The following AREL1 variants were observed in gnomAD, a reference collection of about 807,000 sequenced individuals.
AREL1 encodes apoptosis resistant E3 ubiquitin protein ligase 1, also known as apoptosis-resistant E3 ubiquitin protein ligase 1.
Under a neutral mutation model 99.0 loss-of-function variants are expected in AREL1, and 62 were observed. The observed-to-expected ratio is 0.63, with a 90% CI of 0.51 to 0.77. The LOEUF (loss-of-function observed/expected upper bound fraction) is 0.77. Ranked by LOEUF, AREL1 falls within the 30% of genes least tolerant of loss-of-function variation. The pLI, the probability that AREL1 is intolerant of heterozygous loss-of-function variation, is 0.00. For synonymous variants in AREL1, 380 were observed against 376.5 expected (o/e 1.01, Z -0.11); for missense variants, 879 against 1,027.6 (o/e 0.86, Z 1.98).
In AREL1 at chr14:74,672,868, A is replaced by C. The variant is rs763931110; in HGVS notation, c.1385T>G (p.Val462Gly). The change falls in exon 11 of 20, where the codon GTC becomes GGC. Residue 462 changes from valine to glycine, a missense_variant. Coordinates refer to ENST00000356357, the MANE Select transcript of AREL1 (RefSeq NM_001039479.2). ...GGCATGTCTGCTGACCTTCAGGGTGACTTTGGAATGTGGTCTTTTCATATG... is the reference window on the plus strand; with the variant it reads ...GGCATGTCTGCTGACCTTCAGGGTGCCTTTGGAATGTGGTCTTTTCATATG... ...QVHMKRPHSKVTLKVSRHALL... is the reference protein window; with the variant it reads ...QVHMKRPHSKGTLKVSRHALL... The C allele has an allele frequency of 6.2e-7, 1 of 1,614,198 alleles. No individual in the cohort carries two copies. The highest frequency in any genetic ancestry group is 8.5e-7 in the Non-Finnish European group (1 of 1,180,022).
Position 74,663,204 on chromosome 14 carries a change from T to G in AREL1, c.*516A>C. 1 of 193,778 alleles carries G rather than the reference T, an allele frequency of 5.2e-6. No homozygotes were observed. Among genetic ancestry groups the G allele is most frequent in the Admixed American group, 5.2e-5 (1 of 19,054 alleles). The allele number at this position is 193,778 out of a possible 1,614,324, so 12.0% of individuals were successfully genotyped here. ...TACCATTGTGCAGCGGGACTGCTCC[T>G]ATGGGCCACCTCCTATCTGTCCCCC... is the stretch of plus-strand genomic sequence containing the variant. On this transcript the variant is annotated 3_prime_UTR_variant, in exon 20 of 20. Transcript: ENST00000356357.
At position 74,669,757 on chromosome 14, in the gene AREL1, G is replaced by A. The variant is rs1389600459; in HGVS notation, c.1806C>T (p.Asp602=). The change falls in exon 15 of 20, where the codon GAC becomes GAT. Residue 602 remains aspartate, a synonymous_variant. Transcript: ENST00000356357. The part of the protein sequence containing the change: ...RMHYKYFETD[D]PEFYKSKVCF... ...AAACTTTAGATTTGTAGAATTCTGG[G>A]TCATCTGTTTCAAAGTACTGAGGAG... The A allele has an allele frequency of 1.2e-6, 2 of 1,614,150 alleles. No homozygotes were observed. Among genetic ancestry groups the A allele is most frequent in the Admixed American group, 3.3e-5 (2 of 60,016 alleles).
Position 74,670,010 on chromosome 14 carries a change from C to A in AREL1, c.1725G>T (p.Leu575Phe). 1 of 1,614,048 alleles carries A rather than the reference C, an allele frequency of 6.2e-7. No individual in the cohort carries two copies. Among genetic ancestry groups the A allele is most frequent in the Non-Finnish European group, 8.5e-7 (1 of 1,179,930 alleles). Residue 575 changes from leucine (L) to phenylalanine (F), a missense_variant, in exon 14 of 20, where the codon TTG (leucine) becomes TTT (phenylalanine). Leu to Phe is a conservative substitution (Grantham distance 22). Transcript: ENST00000356357. Reference protein sequence around the residue: ...ESSLGGAYKQLVRARFTRSFL... With the variant: ...ESSLGGAYKQFVRARFTRSFL... The stretch of plus-strand genomic sequence containing the variant: ...AAGAGCGGGTGAAGCGAGCTCGGAC[C>A]AACTGCTTGTAGGCTCCTCCTAGAG...
chr14:74,682,755 T>C (rs889116982), intron 5 of AREL1, among the ~76,000 whole-genome samples: 1 of 152,178 alleles, frequency 6.6e-6, no homozygotes, highest in African/African-American at 2.4e-5. Context: ...GCAAGATCTG[T>C]TTGTTTAGAA....
chr14:74,681,297 T>C (rs570083063), intron 5 of AREL1, among the ~76,000 whole-genome samples: 1 of 152,008 alleles, frequency 6.6e-6, no homozygotes, highest in Non-Finnish European at 1.5e-5. Context: ...TACTCAGCAG[T>C]AAAAAGGAAC....
Position 74,676,193 on chromosome 14 carries a change from T to C in AREL1, c.780A>G (p.Ser260=), listed in dbSNP as rs1718469796. 1 of 1,614,114 alleles carries C rather than the reference T, an allele frequency of 6.2e-7. No individual in the cohort carries two copies. The highest frequency in any genetic ancestry group is 8.5e-7 in the Non-Finnish European group (1 of 1,180,044). The change falls in exon 7 of 20, where the codon TCA becomes TCG. Residue 260 remains serine, a synonymous_variant. Transcript: ENST00000356357. ...HSRGCFHACI[S]YQNQPINNGE... ...CATTATTGATTGGCTGATTTTGGTA[T>C]GAAATGCAAGCATGGAAGCAGCCTC...
chr14:74,684,508 G>T lies in AREL1; in HGVS notation c.189C>A (p.Ser63=). 6.2e-7 allele frequency: 1 copy of T among 1,614,138 alleles called. No individual in the cohort carries two copies. Among genetic ancestry groups the T allele is most frequent in the Non-Finnish European group, 8.5e-7 (1 of 1,180,022 alleles). The change falls in exon 4 of 20, where the codon TCC becomes TCA. Residue 63 remains serine (S), a synonymous_variant. Transcript: ENST00000356357. ...CCTCATAGGGGTCCTTCCAATCCCA[G>T]GAGACTTTGCAAGACCGGGGATCCA... ...NYLDPRSCKV[S]WDWKDPYEVG...
chr14:74,687,414 T>C lies in AREL1; in HGVS notation c.-45-1754A>G, dbSNP rs574196426. Among the ~76,000 whole-genome samples the C allele has an allele frequency of 2.0e-5, 3 of 152,332 alleles. No homozygotes were observed. In the South Asian group the frequency reaches 6.2e-4, roughly 32 times the overall value. On this transcript the variant is annotated intron_variant, in intron 2 of 19. Coordinates refer to ENST00000356357, the MANE Select transcript of AREL1 (RefSeq NM_001039479.2). ...GACCTATCTAGGCTTCAGAATCTCA[T>C]TGCTGTAAAAAGAGTTGCAATTTAA...
At position 74,662,661 on chromosome 14, in the gene AREL1, G is replaced by C; in HGVS notation, c.*1059C>G. ...CATATCACCTCCATGTTCATCCCTA[G>C]TGTCCTGACGCCAAGGACCTGTGAT... is the stretch of plus-strand genomic sequence containing the variant. On this transcript the variant is annotated 3_prime_UTR_variant, in exon 20 of 20. Transcript: ENST00000356357. 2.5e-6 allele frequency: 1 copy of C among 398,514 alleles called. No homozygotes were observed. Among genetic ancestry groups the C allele is most frequent in the Non-Finnish European group, 4.4e-6 (1 of 226,050 alleles). The allele number at this position is 398,514 out of a possible 1,614,324, so 24.7% of individuals were successfully genotyped here. A position where few individuals can be genotyped will look rare whatever the true frequency, so the allele number is the denominator to read the frequency against.
intron 2 of AREL1, among the ~76,000 whole-genome samples, chr14:74,686,068 T>G (rs138782412): frequency 6.6e-6 from 1 of 152,322 alleles, no homozygotes; most frequent in East Asian, 1.9e-4. Context: ...TGGGAGTAAT[T>G]CAGCTAAGTA....
chr14:74,664,058 C>T lies in AREL1; in HGVS notation c.2210G>A (p.Trp737Ter), dbSNP rs1368878618. The T allele has an allele frequency of 1.9e-6, 3 of 1,613,658 alleles. No individual in the cohort carries two copies. The highest frequency in any genetic ancestry group is 2.5e-6 in the Non-Finnish European group (3 of 1,179,780). ...HFREKVMRWFWTVVSSLTQEE... is the reference protein window; with the variant it reads ...HFREKVMRWF ...CTGGGTCAGACTGGAAACCACAGTC[C>T]AAAACCACCTCATGACCTGGCAGGG... Residue 737 changes from tryptophan to a stop codon, truncating the protein, a stop_gained, in exon 19 of 20, where the codon TGG becomes TAG. Transcript: ENST00000356357. LOFTEE classifies it high-confidence loss of function.
Position 74,664,833 on chromosome 14 carries a change from T to C in AREL1, c.2193+3A>G, listed in dbSNP as rs969346745. ...CCAACTGAAAGAAGTTTGGTCCATT[T>C]ACCTTTTCTCTGAAATGCCATGAGC... On this transcript the variant is annotated splice_donor_region_variant and intron_variant, in intron 18 of 19. Transcript: ENST00000356357. The C allele has an allele frequency of 3.7e-6, 6 of 1,612,684 alleles. No homozygotes were observed. The African/African-American group carries it at 8.0e-5, about 22-fold the overall frequency.
In AREL1 at chr14:74,713,044, T is replaced by A; in HGVS notation, c.-445A>T. On this transcript the variant is annotated 5_prime_UTR_variant, in exon 1 of 20. Coordinates refer to ENST00000356357, the MANE Select transcript of AREL1 (RefSeq NM_001039479.2). ...CTCTCCCACCAACAGACCCCAGAGT[T>A]GGTCTCCACCCGGCCTGGGAACCGG... 7.7e-7 allele frequency: 1 copy of A among 1,305,874 alleles called. No homozygotes were observed. The highest frequency in any genetic ancestry group is 1.1e-6 in the Non-Finnish European group (1 of 903,276). The allele number at this position is 1,305,874 out of a possible 1,614,324, so 80.9% of individuals were successfully genotyped here. A position where few individuals can be genotyped will look rare whatever the true frequency, so the allele number is the denominator to read the frequency against.
chr14:74,678,151 AAAG>A (rs776285751), intron 5 of AREL1: 3 of 449,942 alleles, frequency 6.7e-6, no homozygotes, highest in South Asian at 3.2e-5. Flanking sequence ...CAATTTTGAA[AAAG>A]AAGAATAAAG....
Position 74,667,364 on chromosome 14 carries a change from C to T in AREL1, c.2058G>A (p.Leu686=). The T allele has an allele frequency of 1.2e-6, 2 of 1,614,062 alleles. No homozygotes were observed. Among genetic ancestry groups the T allele is most frequent in the East Asian group, 2.2e-5 (1 of 44,884 alleles). The part of the protein sequence containing the change: ...VEHFLKGLNE[L]VPENLLAIFD... Reference sequence around the variant, plus strand: ...AAATAGCCAAAAGGTTCTCAGGGACCAATTCATTCAGGCCTGAAACAAAGT... The same window carrying T: ...AAATAGCCAAAAGGTTCTCAGGGACTAATTCATTCAGGCCTGAAACAAAGT... The change falls in exon 17 of 20, where the codon TTG becomes TTA. Residue 686 remains leucine (L), a synonymous_variant. Coordinates refer to ENST00000356357, the MANE Select transcript of AREL1 (RefSeq NM_001039479.2).
chr14:74,670,381 C>T (rs2089307484), intron 13 of AREL1, among the ~76,000 whole-genome samples: 4 of 152,120 alleles, frequency 2.6e-5, no homozygotes, highest in Admixed American at 2.6e-4. Flanking sequence ...ATGCCTTTTC[C>T]CTAAACCAGA....
intron 1 of AREL1, 78 bp downstream of exon 1, chr14:74,712,855 C>G: frequency 4.2e-6 from 2 of 476,736 alleles, no homozygotes; most frequent in Non-Finnish European, 3.9e-6. Context: ...CCCCCCTACC[C>G]TTTTCCTCCC....
chr14:74,668,943 T>C (rs2089268449), intron 15 of AREL1, among the ~76,000 whole-genome samples: 1 of 152,148 alleles, frequency 6.6e-6, no homozygotes, highest in South Asian at 2.1e-4. Flanking sequence ...AGTGGTGCAA[T>C]CACAGCTTAC....
At chr14:74,708,786 C>T (rs2090229994) in intron 1 of AREL1, among the ~76,000 whole-genome samples, 1 of 152,164 alleles carries the variant, frequency 6.6e-6, no homozygotes, top group Non-Finnish European at 1.5e-5. Context: ...CATATGGAAC[C>T]GTTCAATTAG....
Sources: allele counts gnomAD v4.1 joint callset (sites outside exome capture counted in the v4.1 genomes callset), GRCh38; gene constraint gnomAD v4.1.1; transcripts MANE v1.5; gene names NCBI Gene and HGNC (gene_info 2026-07-23, HGNC 2026-07-21).